The following PCDH7 variants were observed in gnomAD, a reference collection of about 807,000 sequenced individuals.
The protein encoded by PCDH7 is protocadherin 7, also known as protocadherin-7.
PCDH7 carries 17 observed loss-of-function variants against 58.9 expected under a neutral mutation model. The observed-to-expected ratio is 0.29, with a 90% CI of 0.20 to 0.43. The LOEUF is 0.43. PCDH7 is among the 20% of genes least tolerant of loss of function. The pLI, the probability that PCDH7 is intolerant of heterozygous loss-of-function variation, is 1.00. For missense variants in PCDH7, 1,274 were observed against 1,441.0 expected (o/e 0.88, Z 1.88); for synonymous variants, 664 against 616.4 (o/e 1.08, Z -1.14).
At chr4:31,001,478 T>C (rs1752359032) in intron 3 of PCDH7, among the ~76,000 whole-genome samples, 2 of 152,146 alleles carry the variant, frequency 1.3e-5, no homozygotes, top group South Asian at 4.1e-4. Flanking sequence ...AGTGAAAATT[T>C]TTTTAAAGTA....
intron 1 of PCDH7, among the ~76,000 whole-genome samples, chr4:30,886,808 T>C (rs1737861600): frequency 6.7e-6 from 1 of 150,188 alleles, no homozygotes; most frequent in South Asian, 2.1e-4. Context: ...AAATGATGAG[T>C]TCATGTCCTT....
chr4:30,739,453 T>G (rs923211187), intron 1 of PCDH7, among the ~76,000 whole-genome samples: 6 of 151,858 alleles, frequency 4.0e-5, no homozygotes, highest in African/African-American at 1.5e-4. Flanking sequence ...ATTTTTTAAA[T>G]TGCATCTAAA....
intron 1 of PCDH7, among the ~76,000 whole-genome samples, chr4:30,747,900 C>CT (rs1393261510): frequency 2.6e-5 from 4 of 152,092 alleles, no homozygotes; most frequent in Non-Finnish European, 4.4e-5. Flanking sequence ...GTCAGGCTTT[C>CT]TTTTTTTCTG....
At chr4:30,907,561 C>A (rs1433837377) in intron 1 of PCDH7, among the ~76,000 whole-genome samples, 1 of 152,136 alleles carries the variant, frequency 6.6e-6, no homozygotes, top group Non-Finnish European at 1.5e-5. Flanking sequence ...TACCATCTCA[C>A]ACCAGTTAGA....
chr4:30,824,649 G>A (rs1247091290), intron 1 of PCDH7, among the ~76,000 whole-genome samples: 1 of 152,062 alleles, frequency 6.6e-6, no homozygotes, highest in African/African-American at 2.4e-5. Context: ...GGCAGAGTAG[G>A]AGGAAACAAT....
intron 3 of PCDH7, among the ~76,000 whole-genome samples, chr4:31,138,848 C>T (rs57100354): frequency 0.04 from 6,009 of 151,750 alleles, 206 homozygotes; most frequent in African/African-American, 0.089. Flanking sequence ...TAGTGGTGCG[C>T]GCCTATAACT....
intron 3 of PCDH7, among the ~76,000 whole-genome samples, chr4:31,063,667 C>T (rs1028012588): frequency 6.6e-6 from 1 of 151,874 alleles, no homozygotes; most frequent in Admixed American, 6.6e-5. Context: ...AAATAATGGT[C>T]TTGTCTTCTT....
intron 1 of PCDH7, among the ~76,000 whole-genome samples, chr4:30,887,239 A>G (rs1367739207): frequency 6.6e-6 from 1 of 152,168 alleles, no homozygotes; most frequent in Non-Finnish European, 1.5e-5. Flanking sequence ...GATAGTAAGG[A>G]TATTTGATTT....
At chr4:30,931,868 T>C (rs1578331775) in intron 2 of PCDH7, among the ~76,000 whole-genome samples, 1 of 150,852 alleles carries the variant, frequency 6.6e-6, no homozygotes, top group African/African-American at 2.4e-5. Flanking sequence ...GTACCATGAG[T>C]GTGACATTTC....
chr4:31,092,964 A>G (rs957253946), intron 3 of PCDH7, among the ~76,000 whole-genome samples: 7 of 152,140 alleles, frequency 4.6e-5, no homozygotes, highest in Admixed American at 2.0e-4. Flanking sequence ...TCTGTCATTT[A>G]TCTTGTATCT....
rs186315121 is a variant in PCDH7, at chr4:31,088,394, T to C, written c.*8-54079T>C. 1.0e-3 allele frequency among the ~76,000 whole-genome samples: 152 copies of C among 152,188 alleles called. 1 individual carries two copies. Among genetic ancestry groups the C allele is most frequent in the African/African-American group, 3.2e-3 (132 of 41,564 alleles). The stretch of plus-strand genomic sequence containing the variant: ...GTGAAGAGCAGCATAGTTATTTGGG[T>C]GAACTTGAATTTATAAAACAACTAC... On this transcript the variant is annotated intron_variant, in intron 3 of 3. Coordinates refer to the PCDH7 transcript ENST00000509759.
chr4:31,140,333 G>C (rs1291393907), intron 3 of PCDH7, among the ~76,000 whole-genome samples: 1 of 152,090 alleles, frequency 6.6e-6, no homozygotes, highest in African/African-American at 2.4e-5. Flanking sequence ...TATTGTGTGA[G>C]ACATAAATGT....
chr4:30,977,721 A>G (rs1750196533), intron 3 of PCDH7, among the ~76,000 whole-genome samples: 1 of 152,246 alleles, frequency 6.6e-6, no homozygotes, highest in East Asian at 1.9e-4. Flanking sequence ...AGTGTGAGTC[A>G]TGGAGGTTTT....
intron 1 of PCDH7, among the ~76,000 whole-genome samples, chr4:30,898,614 G>A (rs1739759882): frequency 6.6e-6 from 1 of 152,046 alleles, no homozygotes; most frequent in African/African-American, 2.4e-5. Flanking sequence ...TTTTTGAAAG[G>A]AAATCTTGCT....
chr4:30,989,270 A>AAC (rs1470669016), intron 3 of PCDH7, among the ~76,000 whole-genome samples: 2,131 of 152,220 alleles, frequency 0.014, 47 homozygotes, highest in African/African-American at 0.049. Context: ...TAAGATAGGT[A>AAC]CTCCTAAAAC....
At chr4:30,746,018 G>A (rs1717734989) in intron 1 of PCDH7, among the ~76,000 whole-genome samples, 1 of 151,816 alleles carries the variant, frequency 6.6e-6, no homozygotes, top group African/African-American at 2.4e-5. Flanking sequence ...TTTTGTAGAC[G>A]GGGTTTCAGC....
At chr4:30,981,440 G>A (rs1430140256) in intron 3 of PCDH7, among the ~76,000 whole-genome samples, 5 of 152,044 alleles carry the variant, frequency 3.3e-5, no homozygotes, top group African/African-American at 1.2e-4. Context: ...GAATTTGATG[G>A]GTAGCACATG....
At chr4:30,764,650 A>T (rs371561327) in intron 1 of PCDH7, among the ~76,000 whole-genome samples, 7 of 152,164 alleles carry the variant, frequency 4.6e-5, no homozygotes, top group African/African-American at 1.7e-4. Context: ...GGTATATGAG[A>T]TGAAGACCTA....
intron 1 of PCDH7, among the ~76,000 whole-genome samples, chr4:30,870,772 T>G (rs1735476598): frequency 6.6e-6 from 1 of 152,136 alleles, no homozygotes; most frequent in African/African-American, 2.4e-5. Context: ...TATTCTCACC[T>G]CTTGTCTAAT....
Sources: gnomAD v4.1 joint callset for allele counts (sites outside exome capture counted in the v4.1 genomes callset) on GRCh38, gnomAD v4.1.1 for gene constraint, MANE v1.5 for transcripts, NCBI Gene and HGNC (gene_info 2026-07-23, HGNC 2026-07-21) for gene names.